The following LINGO2 variants were observed in gnomAD, a reference collection of about 807,000 sequenced individuals.
LINGO2 encodes the protein leucine-rich repeat and immunoglobulin-like domain-containing nogo receptor-interacting protein 2.
Under a neutral mutation model 30.6 loss-of-function variants are expected in LINGO2, and 14 were observed. That is an observed-to-expected ratio of 0.46 (90% CI 0.30 to 0.72). The LOEUF (loss-of-function observed/expected upper bound fraction) is 0.72, where lower values mean the gene tolerates loss of function less well. Ranked by LOEUF, LINGO2 falls within the 30% of genes least tolerant of loss-of-function variation. The pLI is 0.07. For synonymous variants in LINGO2, 317 were observed against 288.5 expected (o/e 1.10, Z -1.00); for missense variants, 729 against 751.7 (o/e 0.97, Z 0.35).
At chr9:28,348,600 T>C (rs1031138121) in intron 3 of LINGO2, among the ~76,000 whole-genome samples, 1 of 152,084 alleles carries the variant, frequency 6.6e-6, no homozygotes, top group Non-Finnish European at 1.5e-5. Flanking sequence ...CCAGGCTTGA[T>C]TAGGTAAACA....
chr9:28,004,877 T>C (rs1409613088), intron 5 of LINGO2, among the ~76,000 whole-genome samples: 1 of 152,148 alleles, frequency 6.6e-6, no homozygotes, highest in Non-Finnish European at 1.5e-5. Context: ...GGTATGTATA[T>C]AAGAGGAGTT....
At chr9:29,003,383 C>G in the LINGO2 span, among the ~76,000 whole-genome samples, 1 of 151,930 alleles carries the variant, frequency 6.6e-6, no homozygotes, top group East Asian at 1.9e-4. Context: ...GATTAAGTGA[C>G]TATCATTATC....
At chr9:28,713,748 T>C in the LINGO2 span, among the ~76,000 whole-genome samples, 2 of 152,068 alleles carry the variant, frequency 1.3e-5, no homozygotes, top group African/African-American at 4.8e-5. Flanking sequence ...GCTACCACAA[T>C]AAAGAAAGCT....
At chr9:28,465,469 C>T (rs950318743) in intron 2 of LINGO2, among the ~76,000 whole-genome samples, 1 of 152,086 alleles carries the variant, frequency 6.6e-6, no homozygotes, top group Non-Finnish European at 1.5e-5. Flanking sequence ...AGATAGGGGG[C>T]ATGGTAGGCC....
the LINGO2 span, among the ~76,000 whole-genome samples, chr9:28,743,302 T>A: frequency 1.3e-5 from 2 of 152,040 alleles, 1 homozygote; most frequent in African/African-American, 4.8e-5. Flanking sequence ...GTCATCTACA[T>A]TAGGTATTTC....
At chr9:28,639,981 G>A (rs1218258157) in intron 1 of LINGO2, among the ~76,000 whole-genome samples, 1 of 152,072 alleles carries the variant, frequency 6.6e-6, no homozygotes, top group Non-Finnish European at 1.5e-5. Context: ...TCCATGTTTA[G>A]TGCTTCCTTC....
the LINGO2 span, among the ~76,000 whole-genome samples, chr9:29,160,785 G>C: frequency 6.6e-6 from 1 of 152,180 alleles, no homozygotes; most frequent in South Asian, 2.1e-4. Context: ...AAGCTATAAG[G>C]TATATGGGTG....
chr9:28,641,253 G>T (rs113687464), intron 1 of LINGO2, among the ~76,000 whole-genome samples: 2 of 152,042 alleles, frequency 1.3e-5, no homozygotes, highest in Non-Finnish European at 2.9e-5. Flanking sequence ...AGCCAGGATG[G>T]TCTCGATCTC....
chr9:28,542,405 C>G (rs1821740511), intron 1 of LINGO2, among the ~76,000 whole-genome samples: 1 of 152,014 alleles, frequency 6.6e-6, no homozygotes, highest in South Asian at 2.1e-4. Context: ...AGATGGCCCT[C>G]TGAGAGGCTC....
chr9:28,055,451 G>A (rs541648593), intron 4 of LINGO2, among the ~76,000 whole-genome samples: 9 of 152,262 alleles, frequency 5.9e-5, no homozygotes, highest in Non-Finnish European at 8.8e-5. Context: ...TTTGCAGCAA[G>A]TCTGTTTGCA....
chr9:28,085,907 T>C (rs1040247882), intron 4 of LINGO2, among the ~76,000 whole-genome samples: 6 of 152,124 alleles, frequency 3.9e-5, no homozygotes, highest in Admixed American at 3.9e-4. Context: ...TAGTTCTCTA[T>C]GTACTGACAT....
intron 3 of LINGO2, among the ~76,000 whole-genome samples, chr9:28,321,406 T>G (rs887621350): frequency 6.6e-6 from 1 of 152,114 alleles, no homozygotes; most frequent in Non-Finnish European, 1.5e-5. Flanking sequence ...AAAGCCAGTG[T>G]GCTGAAAATT....
chr9:29,068,651 A>G, the LINGO2 span, among the ~76,000 whole-genome samples: 1 of 151,838 alleles, frequency 6.6e-6, no homozygotes, highest in Non-Finnish European at 1.5e-5. Context: ...TCCTTATCTG[A>G]TCAGTGGAGA....
At position 28,047,928 on chromosome 9, in the gene LINGO2, G is replaced by C. The variant is rs1258848929; in HGVS notation, c.-86-35523C>G. ...TTTACAGATTTAGTGCAACTTCAAA[G>C]TAGCAATGTGATTTTTTAGAATCAA... is the stretch of plus-strand genomic sequence containing the variant. On this transcript the variant is annotated intron_variant, in intron 4 of 5. Coordinates refer to ENST00000379992, the Ensembl canonical transcript of LINGO2. Among the ~76,000 whole-genome samples the C allele has an allele frequency of 1.3e-5, 2 of 150,666 alleles. 1 individual carries two copies. The highest frequency in any genetic ancestry group is 4.9e-5 in the African/African-American group (2 of 40,722).
At chr9:28,730,235 A>G in the LINGO2 span, among the ~76,000 whole-genome samples, 1 of 152,144 alleles carries the variant, frequency 6.6e-6, no homozygotes, top group African/African-American at 2.4e-5. Flanking sequence ...AAGGATGACT[A>G]GGAAAAGAGA....
intron 2 of LINGO2, among the ~76,000 whole-genome samples, chr9:28,429,464 T>C (rs1022501635): frequency 6.6e-6 from 1 of 152,182 alleles, no homozygotes; most frequent in Non-Finnish European, 1.5e-5. Context: ...TCTTTGGTAG[T>C]TGAGGTCCAT....
chr9:28,712,869 T>A, the LINGO2 span, among the ~76,000 whole-genome samples: 1 of 152,006 alleles, frequency 6.6e-6, no homozygotes, highest in South Asian at 2.1e-4. Context: ...AAATTTTCAT[T>A]TATTCATTTA....
At chr9:29,121,485 A>G in the LINGO2 span, among the ~76,000 whole-genome samples, 1 of 152,128 alleles carries the variant, frequency 6.6e-6, no homozygotes, top group Non-Finnish European at 1.5e-5. Flanking sequence ...TGAAATTATA[A>G]AACATTTTGT....
chr9:27,949,192 A>G, exon 6 of LINGO2: 1 of 1,614,128 alleles, frequency 6.2e-7, no homozygotes. Flanking sequence ...GAGGCTGTGA[A>G]GGTATCATTC....
Sources: gnomAD v4.1 joint callset for allele counts (sites outside exome capture counted in the v4.1 genomes callset) on GRCh38, gnomAD v4.1.1 for gene constraint, MANE v1.5 for transcripts, NCBI Gene and HGNC (gene_info 2026-07-23, HGNC 2026-07-21) for gene names.